Variants in STPG1 observed in about 807,000 individuals in gnomAD.
STPG1 encodes sperm tail PG-rich repeat containing 1.
In STPG1, 33 loss-of-function variants were observed where a neutral mutation model predicts 40.1. That is an observed-to-expected ratio of 0.82 (90% confidence interval 0.62 to 1.10). STPG1 has a LOEUF of 1.10. Among genes scored for constraint, STPG1 ranks in the 50% least tolerant of loss-of-function variants. The probability of loss-of-function intolerance (pLI) is 0.00; values close to 1 mark genes in which losing one functional copy is unlikely to be tolerated. For synonymous variants in STPG1, 150 were observed against 155.0 expected, an observed-to-expected ratio of 0.97 and a Z score of 0.24; for missense variants, 396 against 415.1, an observed-to-expected ratio of 0.95 and a Z score of 0.40.
chr1:24,373,873 GC>G, intron 5 of STPG1, 63 bp from the exon 6 acceptor site: 1 of 1,203,838 alleles, frequency 8.3e-7, no homozygotes, highest in Non-Finnish European at 1.2e-6. Context: ...TCGTCATCAT[GC>G]CTGGACAAGT....
intron 7 of STPG1, chr1:24,368,652 T>G (rs1641583928): frequency 6.6e-6 from 1 of 152,222 alleles, no homozygotes; most frequent in Admixed American, 6.5e-5. Flanking sequence ...TTTAAAAATC[T>G]GTGTTAATTT....
chr1:24,371,797 ACTAC>A (rs1173695856), intron 6 of STPG1, among the ~76,000 whole-genome samples: 3 of 152,222 alleles, frequency 2.0e-5, no homozygotes, highest in Non-Finnish European at 4.4e-5. Flanking sequence ...TTATGCTGCC[ACTAC>A]CAGAGAGAGC....
At chr1:24,404,126 G>A (rs1333542129) in intron 1 of STPG1, among the ~76,000 whole-genome samples, 1 of 152,038 alleles carries the variant, frequency 6.6e-6, no homozygotes, top group Admixed American at 6.5e-5. Flanking sequence ...TGTTTCCTAA[G>A]AGTTTTTAAC....
At chr1:24,364,380 C>T in intron 7 of STPG1, 1 of 1,531,392 alleles carries the variant, frequency 6.5e-7, no homozygotes, top group African/African-American at 1.4e-5. Flanking sequence ...GACACACCCA[C>T]CTGGAGGAGA....
rs112031952 is a variant in STPG1, at chr1:24,379,618, G to A, written c.462+35C>T. On this transcript the variant is annotated intron_variant, in intron 5 of 8. Transcript: ENST00000337248. ...TTTTATTTTAGTAAACCATTAATTC[G>A]ATCTGTATTTAGCAAGCATAGGCAG... 6.9e-4 allele frequency: 1,110 copies of A among 1,601,656 alleles called. 4 individuals carry two copies. In the African/African-American group the frequency reaches 0.013, roughly 18 times the overall value.
chr1:24,359,507 C>T lies in STPG1; in HGVS notation c.929-888G>A, dbSNP rs141090051. ...AGCCTTGCTGGTGTGATTATCACCACATTTGCAAGGCCAAAGCTAGGAGAA... is the reference window on the plus strand; with the variant it reads ...AGCCTTGCTGGTGTGATTATCACCATATTTGCAAGGCCAAAGCTAGGAGAA... On this transcript the variant is annotated intron_variant, in intron 8 of 8. Transcript: ENST00000337248. This position sits in a 1 kb window ranked among gnomAD's most constrained non-coding sequence, Gnocchi z 5.3. Among the ~76,000 whole-genome samples, 6 of 152,354 alleles carry T rather than the reference C, an allele frequency of 3.9e-5. No homozygotes were observed. The East Asian group carries it at 1.2e-3, about 29-fold the overall frequency.
intron 7 of STPG1, among the ~76,000 whole-genome samples, chr1:24,361,989 A>G (rs771481503): frequency 3.9e-5 from 6 of 152,166 alleles, no homozygotes; most frequent in African/African-American, 7.2e-5. Context: ...CAACCATGTA[A>G]TAGAAGGGCC....
rs540893967 is a variant in STPG1 at position 24,362,713 on chromosome 1, AGAGTCATGC to A, written c.738-1681_738-1673del. 1.4e-3 allele frequency among the ~76,000 whole-genome samples: 212 copies of A among 152,328 alleles called. 1 individual carries two copies. Among genetic ancestry groups the A allele is most frequent in the Non-Finnish European group, 2.3e-3 (159 of 68,032 alleles). ...AAGACTGACAGGGCCCTTCCACCCCAGAGTCATGCTGAGGCAGGGGACACCCCCCTGGTC... is the reference window on the plus strand; with the variant it reads ...AAGACTGACAGGGCCCTTCCACCCCATGAGGCAGGGGACACCCCCCTGGTC... On this transcript the variant is annotated intron_variant, in intron 7 of 8. Transcript: ENST00000337248.
Position 24,401,463 on chromosome 1 carries a change from C to G in STPG1, c.-68-7G>C. On this transcript the variant is annotated splice_region_variant and splice_polypyrimidine_tract_variant and intron_variant, in intron 1 of 8. Coordinates refer to ENST00000337248, the MANE Select transcript of STPG1 (RefSeq NM_001199013.2). ...TGCATGTTCTCCTAAGCACCTGAAA[C>G]AGCAAAACACAGCATTTGTAGAGAT... The G allele has an allele frequency of 8.6e-7, 1 of 1,159,796 alleles. No individual in the cohort carries two copies. Among genetic ancestry groups the G allele is most frequent in the Non-Finnish European group, 1.3e-6 (1 of 774,978 alleles). 71.8% of individuals were successfully genotyped at this position (1,159,796 alleles called of 1,614,324 possible).
At chr1:24,412,915 T>A (rs1299386715) in intron 1 of STPG1, among the ~76,000 whole-genome samples, 2 of 152,192 alleles carry the variant, frequency 1.3e-5, no homozygotes, top group African/African-American at 2.4e-5. Flanking sequence ...CTTGTGTTTT[T>A]AAAAAACGTT....
At chr1:24,390,573 C>T (rs773890245) in intron 3 of STPG1, among the ~76,000 whole-genome samples, 1 of 151,912 alleles carries the variant, frequency 6.6e-6, no homozygotes, top group Non-Finnish European at 1.5e-5. Flanking sequence ...TGTGCGCCAC[C>T]ACTCCCAGCT....
intron 3 of STPG1, among the ~76,000 whole-genome samples, chr1:24,386,666 T>C (rs1310594751): frequency 6.6e-6 from 1 of 152,234 alleles, no homozygotes; most frequent in Admixed American, 6.5e-5. Flanking sequence ...GGTGGGCGGA[T>C]GCCACCCTCA....
At chr1:24,392,677 G>A (rs11809574) in intron 2 of STPG1, among the ~76,000 whole-genome samples, 4,634 of 152,252 alleles carry the variant, frequency 0.03, 254 homozygotes, top group African/African-American at 0.1. Flanking sequence ...CACTATGTGG[G>A]TGATAAGCCT....
At chr1:24,379,445 G>T in intron 5 of STPG1, 1 of 569,042 alleles carries the variant, frequency 1.8e-6, no homozygotes, top group Non-Finnish European at 3.1e-6. Flanking sequence ...GCTTGATACT[G>T]GCCTCCATGT....
At chr1:24,385,707 C>T (rs1034628900) in intron 3 of STPG1, among the ~76,000 whole-genome samples, 7 of 152,138 alleles carry the variant, frequency 4.6e-5, no homozygotes, top group African/African-American at 1.4e-4. Context: ...CTCTTAACCA[C>T]GAAACCAAAC....
rs1334698044 is a variant in STPG1 at position 24,358,149 on chromosome 1, G to A, written c.*394C>T. On this transcript the variant is annotated 3_prime_UTR_variant, in exon 9 of 9. Transcript: ENST00000337248. ...ATGAAGGAATGAAACAGGGAAGGGTGGGGCTTCCAGGCTTGGCCACCTTCA... is the reference window on the plus strand; with the variant it reads ...ATGAAGGAATGAAACAGGGAAGGGTAGGGCTTCCAGGCTTGGCCACCTTCA... The A allele has an allele frequency of 2.1e-6, 1 of 474,008 alleles. No homozygotes were observed. Among genetic ancestry groups the A allele is most frequent in the East Asian group, 6.1e-5 (1 of 16,390 alleles). The allele number at this position is 474,008 out of a possible 1,614,324, so 29.4% of individuals were successfully genotyped here. A position where few individuals can be genotyped will look rare whatever the true frequency, so the allele number is the denominator to read the frequency against.
intron 4 of STPG1, among the ~76,000 whole-genome samples, chr1:24,382,993 C>G (rs539119685): frequency 6.8e-6 from 1 of 147,238 alleles, no homozygotes. Context: ...TTCACTGCAG[C>G]CTCAACCTCC....
intron 7 of STPG1, among the ~76,000 whole-genome samples, chr1:24,367,587 C>T (rs192697736): frequency 6.6e-6 from 1 of 152,250 alleles, no homozygotes; most frequent in East Asian, 1.9e-4. Context: ...GGCATGATCT[C>T]GGCTCACTGC....
intron 4 of STPG1, among the ~76,000 whole-genome samples, chr1:24,381,670 A>G (rs936971651): frequency 2.0e-5 from 3 of 152,232 alleles, no homozygotes; most frequent in Admixed American, 2.0e-4. Flanking sequence ...TAGTTGTTTC[A>G]ACAGTCATGA....
Sources: allele counts gnomAD v4.1 joint callset (sites outside exome capture counted in the v4.1 genomes callset), GRCh38; gene constraint gnomAD v4.1.1; non-coding constraint Gnocchi (gnomAD v3.1); transcripts MANE v1.5; gene names NCBI Gene and HGNC (gene_info 2026-07-23, HGNC 2026-07-21).